PLCL1: variants seen among roughly 807,000 people sequenced by gnomAD.
The protein encoded by PLCL1 is phospholipase C like 1 (inactive).
PLCL1 carries 41 observed loss-of-function variants against 84.4 expected under a neutral mutation model. The observed-to-expected ratio is 0.49, with a 90% CI of 0.38 to 0.63. PLCL1 has a LOEUF of 0.63. Among genes scored for constraint, PLCL1 ranks in the 30% least tolerant of loss-of-function variants. PLCL1 has a pLI of 0.00. For missense variants in PLCL1, 1,206 were observed against 1,367.8 expected (o/e 0.88, Z 1.87); for synonymous variants, 490 against 488.3 (o/e 1.00, Z -0.05).
intron 1 of PLCL1, among the ~76,000 whole-genome samples, chr2:197,970,064 G>A (rs1356528778): frequency 1.3e-5 from 2 of 152,172 alleles, no homozygotes; most frequent in East Asian, 3.9e-4. Context: ...CTGAAGTATG[G>A]CATCTTATTT....
chr2:198,004,551 A>T (rs2105823841), intron 1 of PLCL1, among the ~76,000 whole-genome samples: 1 of 152,350 alleles, frequency 6.6e-6, no homozygotes, highest in African/African-American at 2.4e-5. Flanking sequence ...TTGGTTAAAA[A>T]AAACTTTGTG....
At chr2:197,973,760 G>A (rs1689913996) in intron 1 of PLCL1, among the ~76,000 whole-genome samples, 2 of 152,318 alleles carry the variant, frequency 1.3e-5, no homozygotes, top group East Asian at 1.9e-4. Flanking sequence ...GTGGGCAGGC[G>A]TGAGGTCAAG....
At chr2:198,018,582 G>A (rs1488632974) in intron 1 of PLCL1, among the ~76,000 whole-genome samples, 5 of 152,164 alleles carry the variant, frequency 3.3e-5, no homozygotes, top group African/African-American at 9.7e-5. Context: ...TGAGTAGGCA[G>A]TTTTCCCCTC....
At chr2:198,004,961 T>A (rs962155343) in intron 1 of PLCL1, among the ~76,000 whole-genome samples, 3 of 152,248 alleles carry the variant, frequency 2.0e-5, no homozygotes, top group Non-Finnish European at 4.4e-5. Context: ...ATTTAGCTGC[T>A]GCTGCAGAAC....
chr2:197,962,381 C>T (rs1384602571), intron 1 of PLCL1, among the ~76,000 whole-genome samples: 1 of 152,102 alleles, frequency 6.6e-6, no homozygotes, highest in Non-Finnish European at 1.5e-5. Context: ...TTTTTCTCTT[C>T]AACTCAGAGT....
At chr2:198,123,833 A>G (rs543506959) in intron 5 of PLCL1, among the ~76,000 whole-genome samples, 37 of 152,098 alleles carry the variant, frequency 2.4e-4, no homozygotes, top group African/African-American at 8.4e-4. Flanking sequence ...TCCTTATGAG[A>G]ACCTAACTAA....
intron 1 of PLCL1, among the ~76,000 whole-genome samples, chr2:197,825,148 T>C (rs1690904505): frequency 6.6e-6 from 1 of 152,106 alleles, no homozygotes; most frequent in Non-Finnish European, 1.5e-5. Context: ...TATAACATTT[T>C]TCTGCTTCTT....
chr2:197,937,310 GA>G lies in PLCL1; in HGVS notation c.240+131974del, dbSNP rs746837329. ...AGAACTGCTTTTTCTGTGTCTGTGAGAAATGTCATTGAAATTTTGGTGGGGA... is the reference window on the plus strand; with the variant it reads ...AGAACTGCTTTTTCTGTGTCTGTGAGAATGTCATTGAAATTTTGGTGGGGA... On this transcript the variant is annotated intron_variant, in intron 1 of 5. Transcript: ENST00000428675. Among the ~76,000 whole-genome samples, 408 of 152,264 alleles carry G rather than the reference GA, an allele frequency of 2.7e-3. 3 individuals are homozygous for G. Among genetic ancestry groups the G allele is most frequent in the Non-Finnish European group, 4.3e-3 (291 of 67,988 alleles).
chr2:197,867,607 CAT>C (rs762342022), intron 1 of PLCL1, among the ~76,000 whole-genome samples: 3 of 152,124 alleles, frequency 2.0e-5, no homozygotes, highest in Non-Finnish European at 4.4e-5. Context: ...TGAGAACTTT[CAT>C]ATGCTAAGGA....
chr2:197,849,853 G>A (rs1228611861), intron 1 of PLCL1, among the ~76,000 whole-genome samples: 1 of 152,064 alleles, frequency 6.6e-6, no homozygotes, highest in Non-Finnish European at 1.5e-5. Context: ...AATCTCTCTG[G>A]GGAGATTATT....
intron 1 of PLCL1, among the ~76,000 whole-genome samples, chr2:198,009,924 T>C (rs1690827271): frequency 6.6e-6 from 1 of 152,096 alleles, no homozygotes; most frequent in African/African-American, 2.4e-5. Flanking sequence ...CCTAAGTATT[T>C]AATCCTTCTT....
At chr2:198,031,582 CT>C (rs1691425064) in intron 1 of PLCL1, among the ~76,000 whole-genome samples, 1 of 151,432 alleles carries the variant, frequency 6.6e-6, no homozygotes, top group Admixed American at 6.6e-5. Flanking sequence ...CCTTGACCTC[CT>C]GGGCTCAAGC....
intron 4 of PLCL1, among the ~76,000 whole-genome samples, chr2:198,101,786 A>G (rs1693344302): frequency 6.6e-6 from 1 of 151,882 alleles, no homozygotes; most frequent in Non-Finnish European, 1.5e-5. Context: ...TTAGATTTAG[A>G]TTTGTTCTTT....
In PLCL1 at chr2:197,943,052, A is replaced by G. The variant is rs560213604; in HGVS notation, c.240+137713A>G. Among the ~76,000 whole-genome samples, 14 of 152,010 alleles carry G rather than the reference A, an allele frequency of 9.2e-5. No individual in the cohort carries two copies. In the South Asian group the frequency reaches 2.9e-3, roughly 32 times the overall value. ...TGAGACCTTGTCTGTACAAAAAAAC[A>G]AAAAATTAGCCAAGTGCAGTGGCAT... On this transcript the variant is annotated intron_variant, in intron 1 of 5. Coordinates refer to ENST00000428675, the MANE Select transcript of PLCL1 (RefSeq NM_006226.4).
intron 1 of PLCL1, among the ~76,000 whole-genome samples, chr2:197,873,041 A>G (rs1687674938): frequency 6.6e-6 from 1 of 152,146 alleles, no homozygotes; most frequent in Non-Finnish European, 1.5e-5. Flanking sequence ...AGCGTTAACA[A>G]GGGTCTAAGA....
intron 5 of PLCL1, among the ~76,000 whole-genome samples, chr2:198,133,388 AG>A (rs1220409586): frequency 1.8e-5 from 1 of 55,370 alleles, no homozygotes; most frequent in African/African-American, 7.4e-5. Flanking sequence ...GGGTGGGGGG[AG>A]GGGGGAGGGA....
chr2:197,834,144 A>G (rs1691131480), intron 1 of PLCL1, among the ~76,000 whole-genome samples: 1 of 152,158 alleles, frequency 6.6e-6, no homozygotes, highest in South Asian at 2.1e-4. Context: ...CCCTTCCTTA[A>G]ACCTTATGCA....
At chr2:198,146,230 T>C (rs1307129207) in intron 5 of PLCL1, among the ~76,000 whole-genome samples, 1 of 152,120 alleles carries the variant, frequency 6.6e-6, no homozygotes, top group African/African-American at 2.4e-5. Context: ...GTAATGTGGG[T>C]GACTGATAAT....
intron 3 of PLCL1, among the ~76,000 whole-genome samples, chr2:198,090,048 T>C (rs1692982906): frequency 6.6e-6 from 1 of 152,138 alleles, no homozygotes; most frequent in South Asian, 2.1e-4. Context: ...TTAAAATGCT[T>C]ACGAGTTTGA....
Sources: gnomAD v4.1 joint callset for allele counts (sites outside exome capture counted in the v4.1 genomes callset) on GRCh38, gnomAD v4.1.1 for gene constraint, MANE v1.5 for transcripts, NCBI Gene and HGNC (gene_info 2026-07-23, HGNC 2026-07-21) for gene names.